BAHCC1: variants seen among roughly 807,000 people sequenced by gnomAD.
The protein encoded by BAHCC1 is BAH and coiled-coil domain-containing protein 1.
Under a neutral mutation model 88.2 loss-of-function variants are expected in BAHCC1, and 43 were observed. The ratio of observed to expected loss-of-function variants is 0.49; its 90% CI spans 0.38 to 0.63. The LOEUF (loss-of-function observed/expected upper bound fraction) is 0.63. BAHCC1 is among the 20% of genes least tolerant of loss of function. The pLI, the probability that BAHCC1 is intolerant of heterozygous loss-of-function variation, is 0.00. For missense variants in BAHCC1, 3,023 were observed against 1,654.8 expected (o/e 1.83, Z -14.34); for synonymous variants, 1,510 against 745.5 (o/e 2.03, Z -16.71).
intron 3 of BAHCC1, among the ~76,000 whole-genome samples, chr17:81,428,113 A>G (rs1299983424): frequency 6.6e-6 from 1 of 152,110 alleles, no homozygotes; most frequent in Non-Finnish European, 1.5e-5. Context: ...GGTGGGCAGC[A>G]TGGGGTCCTC....
intron 2 of BAHCC1, among the ~76,000 whole-genome samples, chr17:81,405,150 C>T (rs2063863388): frequency 6.6e-6 from 1 of 152,230 alleles, no homozygotes; most frequent in Admixed American, 6.5e-5. Flanking sequence ...TCACTGCAAC[C>T]TCTGCCTCCC....
At position 81,462,938 on chromosome 17, in the gene BAHCC1, G is replaced by C; in HGVS notation, c.7582G>C (p.Glu2528Gln). 1.3e-6 allele frequency: 1 copy of C among 782,332 alleles called. No homozygotes were observed. Among genetic ancestry groups the C allele is most frequent in the Non-Finnish European group, 2.4e-6 (1 of 419,792 alleles). 48.5% of individuals were successfully genotyped at this position (782,332 alleles called of 1,614,324 possible). Residue 2528 changes from glutamate to glutamine, a missense_variant, in exon 27 of 28, where the codon GAG (glutamate) becomes CAG (glutamine). Coordinates refer to ENST00000675386, the MANE Select transcript of BAHCC1 (RefSeq NM_001377448.1). ...VVKVKWFYHP[E>Q]ETKLGKRQCD... ...CAAGGTCAAGTGGTTCTACCACCCT[G>C]AGGAGACCAAGCTGGGCAAGAGGCA...
rs782495009 is a variant in BAHCC1 at position 81,461,219 on chromosome 17, G to A, written c.6556G>A (p.Ala2186Thr). Residue 2186 changes from alanine (A) to threonine (T), a missense_variant, in exon 26 of 28, where the codon GCT becomes ACT. Ala to Thr is a moderately conservative substitution (Grantham distance 58, BLOSUM62 0). Transcript: ENST00000675386. ...LPRGAHKLLR[A>T]KKAERVEAEK... Reference sequence around the variant, plus strand: ...CAGGGGAGCCCACAAGCTGCTGCGGGCTAAGAAGGCCGAGAGGGTGGAGGC... The same window carrying A: ...CAGGGGAGCCCACAAGCTGCTGCGGACTAAGAAGGCCGAGAGGGTGGAGGC... 1 of 721,856 alleles carries A rather than the reference G, an allele frequency of 1.4e-6. No individual in the cohort carries two copies. Among genetic ancestry groups the A allele is most frequent in the Non-Finnish European group, 2.5e-6 (1 of 393,052 alleles). The allele number at this position is 721,856 out of a possible 1,614,324, so 44.7% of individuals were successfully genotyped here.
intron 2 of BAHCC1, among the ~76,000 whole-genome samples, chr17:81,425,102 G>C: frequency 1.4e-5 from 2 of 147,510 alleles, no homozygotes; most frequent in African/African-American, 5.0e-5. Flanking sequence ...GGTGATAGTG[G>C]TGGGTGATGT....
chr17:81,452,813 C>T lies in BAHCC1; in HGVS notation c.4407C>T (p.Pro1469=). The change falls in exon 14 of 28, where the codon CCC becomes CCT. Residue 1469 remains proline (P), a synonymous_variant. Transcript: ENST00000675386. ...CAAGCTCGCTGCCTGCCCCACGTCCCACGGGGCCGCTCCCCAGGAGCGATG... is the reference window on the plus strand; with the variant it reads ...CAAGCTCGCTGCCTGCCCCACGTCCTACGGGGCCGCTCCCCAGGAGCGATG... ...KHSSSLPAPR[P]TGPLPRSDGK... 1.3e-6 allele frequency: 1 copy of T among 743,168 alleles called. No individual in the cohort carries two copies. Among genetic ancestry groups the T allele is most frequent in the South Asian group, 1.4e-5 (1 of 69,738 alleles). 46.0% of individuals were successfully genotyped at this position (743,168 alleles called of 1,614,324 possible). A position where few individuals can be genotyped will look rare whatever the true frequency, so the allele number is the denominator to read the frequency against.
chr17:81,452,820 C>CAT lies in BAHCC1; in HGVS notation c.4414_4415insAT (p.Pro1472HisfsTer78). Reference sequence around the variant, plus strand: ...GCTGCCTGCCCCACGTCCCACGGGGCCGCTCCCCAGGAGCGATGGCAAGAA... The same window carrying CAT: ...GCTGCCTGCCCCACGTCCCACGGGGCATCGCTCCCCAGGAGCGATGGCAAGAA... On this transcript the variant is annotated frameshift_variant, in exon 14 of 28. Coordinates refer to ENST00000675386, the MANE Select transcript of BAHCC1 (RefSeq NM_001377448.1). LOFTEE classifies it high-confidence loss of function. The CAT allele has an allele frequency of 4.0e-6, 3 of 744,500 alleles. No homozygotes were observed. The South Asian group carries it at 4.3e-5, about 11-fold the overall frequency. 46.1% of individuals were successfully genotyped at this position (744,500 alleles called of 1,614,324 possible). A position where few individuals can be genotyped will look rare whatever the true frequency, so the allele number is the denominator to read the frequency against.
chr17:81,446,873 G>A (rs1281965361), intron 10 of BAHCC1, 163 bp from the exon 11 acceptor site: 30 of 669,598 alleles, frequency 4.5e-5, no homozygotes, highest in Non-Finnish European at 6.0e-5. Flanking sequence ...CTTAATTAAC[G>A]TAACCCTTTC....
chr17:81,422,340 A>G (rs2064125885), intron 2 of BAHCC1, among the ~76,000 whole-genome samples: 1 of 152,182 alleles, frequency 6.6e-6, no homozygotes, highest in African/African-American at 2.4e-5. Flanking sequence ...TGAGCTTATT[A>G]TGGTGAAAAT....
rs782305640 is a variant in BAHCC1 at position 81,460,522 on chromosome 17, A to T, written c.6026-8A>T. 1.3e-6 allele frequency: 1 copy of T among 742,100 alleles called. No homozygotes were observed. Among genetic ancestry groups the T allele is most frequent in the Admixed American group, 1.8e-5 (1 of 54,414 alleles). The allele number at this position is 742,100 out of a possible 1,614,324, so 46.0% of individuals were successfully genotyped here. ...GGCACTGAAGCCCTTGGCCCATGCTATCCACAGGCACAGAGCCCTCTCCAG... is the reference window on the plus strand; with the variant it reads ...GGCACTGAAGCCCTTGGCCCATGCTTTCCACAGGCACAGAGCCCTCTCCAG... On this transcript the variant is annotated splice_region_variant and splice_polypyrimidine_tract_variant and intron_variant, in intron 24 of 27. Coordinates refer to ENST00000675386, the MANE Select transcript of BAHCC1 (RefSeq NM_001377448.1).
chr17:81,431,719 C>T lies in BAHCC1; in HGVS notation c.358+4740C>T, dbSNP rs980351097. On this transcript the variant is annotated intron_variant, in intron 3 of 27. Transcript: ENST00000675386. ...ATGCTGCACAGCACAGTGGTGCTTG[C>T]GCCCATTTTACAGCTGAGGAAACTG... 4.3e-3 allele frequency among the ~76,000 whole-genome samples: 653 copies of T among 152,298 alleles called. 3 individuals are homozygous for T. Among genetic ancestry groups the T allele is most frequent in the African/African-American group, 0.015 (623 of 41,560 alleles).
Position 81,399,898 on chromosome 17 carries a change from GC to G in BAHCC1, c.162del (p.Met55TrpfsTer10). ...CGGGAAAGTACTTCCCGTCGCCGTTGCCCATGGCTTCGCACACAGGTCAGTG... is the reference window on the plus strand; with the variant it reads ...CGGGAAAGTACTTCCCGTCGCCGTTGCCATGGCTTCGCACACAGGTCAGTG... ...QPGKYFPSPL[P>X]MASHTASSRL... On this transcript the variant is annotated frameshift_variant, in exon 2 of 28. Transcript: ENST00000675386. LOFTEE classifies it high-confidence loss of function. The surrounding 1 kb of genome is among the most constrained non-coding windows in gnomAD (Gnocchi z 4.5). 1 of 1,447,796 alleles carries G rather than the reference GC, an allele frequency of 6.9e-7. No individual in the cohort carries two copies. Among genetic ancestry groups the G allele is most frequent in the Non-Finnish European group, 9.1e-7 (1 of 1,097,474 alleles). The allele number at this position is 1,447,796 out of a possible 1,614,324, so 89.7% of individuals were successfully genotyped here. A position where few individuals can be genotyped will look rare whatever the true frequency, so the allele number is the denominator to read the frequency against.
At chr17:81,455,975 A>T (rs1250243860) in intron 15 of BAHCC1, among the ~76,000 whole-genome samples, 2 of 152,220 alleles carry the variant, frequency 1.3e-5, no homozygotes, top group East Asian at 3.9e-4. Flanking sequence ...TTCTGCCCAG[A>T]TGCTGTTTTA....
At chr17:81,427,567 C>T (rs1231782544) in intron 3 of BAHCC1, among the ~76,000 whole-genome samples, 2 of 152,146 alleles carry the variant, frequency 1.3e-5, no homozygotes, top group African/African-American at 4.8e-5. Context: ...GCCCCCCTGG[C>T]CTTTCCGTGG....
intron 2 of BAHCC1, among the ~76,000 whole-genome samples, chr17:81,412,117 C>T (rs2063962243): frequency 6.6e-6 from 1 of 152,126 alleles, no homozygotes; most frequent in Admixed American, 6.5e-5. Context: ...GGAAAGAGCC[C>T]AGCTCTGTGG....
In BAHCC1 at chr17:81,447,139, C is replaced by A. The variant is rs370112640; in HGVS notation, c.3267C>A (p.Thr1089=). The A allele has an allele frequency of 1.5e-4, 113 of 778,866 alleles. No individual in the cohort carries two copies. The highest frequency in any genetic ancestry group is 2.4e-4 in the Non-Finnish European group (101 of 417,726). 48.2% of individuals were successfully genotyped at this position (778,866 alleles called of 1,614,324 possible). ...NLEDPETMQT[T]APGAQPEPTR... ...AGGACCCTGAAACTATGCAAACCAC[C>A]GCCCCGGGGGCCCAGCCTGAGCCCA... The change falls in exon 11 of 28, where the codon ACC becomes ACA. Residue 1089 remains threonine (T), a synonymous_variant. Coordinates refer to ENST00000675386, the MANE Select transcript of BAHCC1 (RefSeq NM_001377448.1).
At chr17:81,445,283 G>A in intron 9 of BAHCC1, 71 bp from the exon 10 acceptor site, 2 of 725,874 alleles carry the variant, frequency 2.8e-6, no homozygotes, top group Non-Finnish European at 2.6e-6. Context: ...CTGGCAGGAT[G>A]AACCCAAGCA....
chr17:81,438,484 C>A lies in BAHCC1; in HGVS notation c.473C>A (p.Thr158Asn), dbSNP rs782080555. The A allele has an allele frequency of 1.3e-6, 1 of 770,270 alleles. No individual in the cohort carries two copies. The highest frequency in any genetic ancestry group is 1.7e-5 in the Admixed American group (1 of 57,352). 47.7% of individuals were successfully genotyped at this position (770,270 alleles called of 1,614,324 possible). A position where few individuals can be genotyped will look rare whatever the true frequency, so the allele number is the denominator to read the frequency against. Residue 158 changes from threonine to asparagine, a missense_variant, in exon 4 of 28, where the codon ACC becomes AAC. Thr to Asn is a moderately conservative substitution (Grantham distance 65). Coordinates refer to ENST00000675386, the MANE Select transcript of BAHCC1 (RefSeq NM_001377448.1). Reference protein sequence around the residue: ...VLYGQHRFYGTQKDNFYLRNL... With the variant: ...VLYGQHRFYGNQKDNFYLRNL... ...TATGGGCAGCACCGTTTCTATGGAA[C>A]CCAAAAAGGCAAGTGCAGCATGGGA...
intron 2 of BAHCC1, among the ~76,000 whole-genome samples, chr17:81,417,555 A>ACCG (rs1555648925): frequency 0.27 from 35,004 of 130,502 alleles, 5,815 homozygotes; most frequent in East Asian, 0.7. Context: ...AGCGTCGGCC[A>ACCG]CCCCCCCCCC....
At chr17:81,453,442 A>G (rs945392197) in intron 14 of BAHCC1, among the ~76,000 whole-genome samples, 1 of 152,256 alleles carries the variant, frequency 6.6e-6, no homozygotes, top group Non-Finnish European at 1.5e-5. Flanking sequence ...TTTGGTAATA[A>G]TAGTTAAATC....
Sources: gnomAD v4.1 joint callset for allele counts (sites outside exome capture counted in the v4.1 genomes callset) on GRCh38, gnomAD v4.1.1 for gene constraint, Gnocchi (gnomAD v3.1) non-coding constraint, MANE v1.5 for transcripts, NCBI Gene and HGNC (gene_info 2026-07-23, HGNC 2026-07-21) for gene names.